Variants in CELF1 observed in about 807,000 individuals in gnomAD.
CELF1 encodes the protein 50 kDa nuclear polyadenylated RNA-binding protein.
Under a neutral mutation model 61.8 loss-of-function variants are expected in CELF1, and 10 were observed. The observed-to-expected ratio is 0.16, with a 90% CI of 0.10 to 0.27. The LOEUF (loss-of-function observed/expected upper bound fraction) is 0.27. CELF1 is among the 10% of genes least tolerant of loss of function. CELF1 has a pLI of 1.00. For synonymous variants in CELF1, 236 were observed against 225.1 expected (o/e 1.05, Z -0.43); for missense variants, 380 against 639.1 (o/e 0.59, Z 4.37).
intron 1 of CELF1, among the ~76,000 whole-genome samples, chr11:47,511,876 T>C (rs904177049): frequency 4.6e-5 from 7 of 151,670 alleles, no homozygotes; most frequent in Admixed American, 3.9e-4. Flanking sequence ...TGAGACAGAG[T>C]CTCTCTCTCT....
chr11:47,482,959 C>G (rs2084260103), intron 8 of CELF1, 103 bp from the exon 9 acceptor site: 1 of 997,754 alleles, frequency 1.0e-6, no homozygotes, highest in African/African-American at 1.6e-5. Context: ...ATTTCATTCA[C>G]TGCCAAATGA....
intron 1 of CELF1, among the ~76,000 whole-genome samples, chr11:47,549,774 G>C (rs2097088355): frequency 6.6e-6 from 1 of 151,620 alleles, no homozygotes; most frequent in South Asian, 2.1e-4. Flanking sequence ...TAATGTCACA[G>C]AACACTTAAA....
chr11:47,477,906 A>G (rs922321230), intron 10 of CELF1, among the ~76,000 whole-genome samples: 2 of 152,220 alleles, frequency 1.3e-5, no homozygotes, highest in Non-Finnish European at 2.9e-5. Flanking sequence ...ACAAAGAATA[A>G]AGACACTGTC....
chr11:47,553,805 A>ATAT (rs1417273648), upstream of CELF1, among the ~76,000 whole-genome samples: 2 of 148,630 alleles, frequency 1.3e-5, no homozygotes, highest in South Asian at 4.3e-4. Context: ...CCGAAAAAAA[A>ATAT]ATATATATAT....
chr11:47,470,312 TTTTTTA>T lies in CELF1; in HGVS notation c.*1912_*1917del, dbSNP rs2077412650. 2 of 152,092 alleles carry T rather than the reference TTTTTTA, an allele frequency of 1.3e-5. No individual in the cohort carries two copies. 9.4% of individuals were successfully genotyped at this position (152,092 alleles called of 1,614,324 possible). A position where few individuals can be genotyped will look rare whatever the true frequency, so the allele number is the denominator to read the frequency against. ...TTTTTTTTTTTTGTTTTCTTTTTTCTTTTTTATTTTTATTTTTTGCATTTATTTAAA... is the reference window on the plus strand; with the variant it reads ...TTTTTTTTTTTTGTTTTCTTTTTTCTTTTTTATTTTTTGCATTTATTTAAA... On this transcript the variant is annotated 3_prime_UTR_variant, in exon 15 of 15. Coordinates refer to ENST00000687097, the MANE Select transcript of CELF1 (RefSeq NM_001376376.1).
Position 47,475,480 on chromosome 11 carries a change from A to G in CELF1, c.1129T>C (p.Ser377Pro), listed in dbSNP as rs1424705339. The change falls in exon 13 of 15, where the codon TCC (serine) becomes CCC (proline). Residue 377 changes from serine (S) to proline (P), a missense_variant. Ser to Pro is a moderately conservative substitution (Grantham distance 74, BLOSUM62 -1). Transcript: ENST00000687097. ...LNGGLGSSGL[S>P]NGTGSTMEAL... is the part of the protein sequence containing the mutation. The stretch of plus-strand genomic sequence containing the variant: ...TCCATGGTGCTCCCGGTGCCATTGG[A>G]AAGGCCACTGCTGCCCAGGCCACCA... The G allele has an allele frequency of 1.9e-6, 3 of 1,614,026 alleles. No individual in the cohort carries two copies. The highest frequency in any genetic ancestry group is 4.5e-5 in the East Asian group (2 of 44,884).
intron 1 of CELF1, among the ~76,000 whole-genome samples, chr11:47,540,282 G>A (rs1403136092): frequency 2.0e-5 from 3 of 152,184 alleles, no homozygotes; most frequent in Non-Finnish European, 4.4e-5. Context: ...TGAATCATGA[G>A]CATGGAGGGG....
intron 3 of CELF1, among the ~76,000 whole-genome samples, chr11:47,499,111 C>T (rs1373044889): frequency 6.6e-6 from 1 of 151,894 alleles, no homozygotes; most frequent in African/African-American, 2.4e-5. Flanking sequence ...ATTGCATGTC[C>T]AACCCAAAGC....
chr11:47,529,474 G>T (rs546311432), intron 1 of CELF1, among the ~76,000 whole-genome samples: 13 of 152,228 alleles, frequency 8.5e-5, no homozygotes, highest in African/African-American at 3.1e-4. Context: ...ATCACATGAG[G>T]CCAGGAGTTC....
chr11:47,518,954 G>A (rs1407989595), intron 1 of CELF1, among the ~76,000 whole-genome samples: 1 of 152,132 alleles, frequency 6.6e-6, no homozygotes, highest in Non-Finnish European at 1.5e-5. Context: ...GCTTTGCCCT[G>A]TTCTGTTGAA....
At chr11:47,526,488 T>C (rs965426966) in intron 1 of CELF1, among the ~76,000 whole-genome samples, 4 of 152,244 alleles carry the variant, frequency 2.6e-5, no homozygotes, top group Non-Finnish European at 4.4e-5. Flanking sequence ...AGCAAAATTA[T>C]AGTTTTTGCC....
chr11:47,545,220 G>C (rs747771457), intron 1 of CELF1, among the ~76,000 whole-genome samples: 9 of 150,556 alleles, frequency 6.0e-5, no homozygotes, highest in South Asian at 2.1e-4. Flanking sequence ...ACCTGAGGTC[G>C]GGAATTCGAG....
chr11:47,494,705 T>C (rs1267467205), intron 3 of CELF1, among the ~76,000 whole-genome samples: 1 of 152,210 alleles, frequency 6.6e-6, no homozygotes, highest in Non-Finnish European at 1.5e-5. Context: ...GCTGATCCAT[T>C]GGCTGGCCAG....
chr11:47,512,484 G>T (rs538744428), intron 1 of CELF1, among the ~76,000 whole-genome samples: 1 of 147,742 alleles, frequency 6.8e-6, no homozygotes. Flanking sequence ...TAGAGATGAG[G>T]GATCACTCTG....
chr11:47,549,305 T>C (rs1429678538), intron 1 of CELF1, among the ~76,000 whole-genome samples: 1 of 152,194 alleles, frequency 6.6e-6, no homozygotes, highest in Non-Finnish European at 1.5e-5. Flanking sequence ...GATCCAGCAA[T>C]CCCACTTTGG....
intron 1 of CELF1, among the ~76,000 whole-genome samples, chr11:47,552,750 G>A (rs2097174907): frequency 6.6e-6 from 1 of 152,164 alleles, no homozygotes; most frequent in Non-Finnish European, 1.5e-5. Context: ...AGGAGGGCGG[G>A]TCTCCCTGGG....
chr11:47,565,392 G>T, exon 1 of CELF1: 1 of 302,212 alleles, frequency 3.3e-6, no homozygotes, highest in Non-Finnish European at 6.0e-6. Context: ...TCCCTTCGCC[G>T]GGGTCCCAGT....
At chr11:47,493,402 G>A (rs956753741) in intron 3 of CELF1, among the ~76,000 whole-genome samples, 2 of 150,468 alleles carry the variant, frequency 1.3e-5, no homozygotes, top group Non-Finnish European at 2.9e-5. Flanking sequence ...CAGCTACTCA[G>A]GAGGCTGAAG....
intron 1 of CELF1, among the ~76,000 whole-genome samples, chr11:47,517,783 G>A (rs1008538468): frequency 6.6e-6 from 1 of 152,058 alleles, no homozygotes; most frequent in African/African-American, 2.4e-5. Flanking sequence ...CTCCCGAGCA[G>A]CTGGGATTAC....
Sources: allele counts gnomAD v4.1 joint callset (sites outside exome capture counted in the v4.1 genomes callset), GRCh38; gene constraint gnomAD v4.1.1; transcripts MANE v1.5; gene names NCBI Gene and HGNC (gene_info 2026-07-23, HGNC 2026-07-21).